CPQ: variants seen among roughly 807,000 people sequenced by gnomAD.
The protein encoded by CPQ is carboxypeptidase Q, also known as Ser-Met dipeptidase.
A neutral mutation model predicts 45.7 loss-of-function variants in CPQ; 37 were observed. That is an observed-to-expected ratio of 0.81 (90% CI 0.62 to 1.07). The LOEUF (loss-of-function observed/expected upper bound fraction) is 1.07, where lower values mean the gene tolerates loss of function less well. CPQ is among the 50% of genes least tolerant of loss of function. The pLI is 0.00. For missense variants in CPQ, 537 were observed against 572.9 expected (o/e 0.94, Z 0.64); for synonymous variants, 186 against 205.8 (o/e 0.90, Z 0.82).
intron 3 of CPQ, among the ~76,000 whole-genome samples, chr8:96,861,341 A>AACAGTG (rs1383841697): frequency 6.6e-6 from 1 of 152,194 alleles, no homozygotes; most frequent in Non-Finnish European, 1.5e-5. Flanking sequence ...AATTGGGAAG[A>AACAGTG]ACAGTGAAAA....
chr8:96,730,482 A>G (rs1026736781), intron 1 of CPQ, among the ~76,000 whole-genome samples: 1 of 152,078 alleles, frequency 6.6e-6, no homozygotes, highest in African/African-American at 2.4e-5. Flanking sequence ...CAGAGGTAAG[A>G]CTTGGGAAGA....
At chr8:96,878,943 C>T (rs931610078) in intron 3 of CPQ, among the ~76,000 whole-genome samples, 7 of 152,150 alleles carry the variant, frequency 4.6e-5, no homozygotes, top group African/African-American at 1.7e-4. Context: ...CAGTTTGGTC[C>T]TGAGAGCACT....
intron 5 of CPQ, among the ~76,000 whole-genome samples, chr8:97,004,082 T>C (rs1046013056): frequency 1.3e-5 from 2 of 152,118 alleles, no homozygotes; most frequent in African/African-American, 2.4e-5. Context: ...TTTGAAATGT[T>C]AGCGGGAAGA....
intron 5 of CPQ, among the ~76,000 whole-genome samples, chr8:97,024,115 C>A (rs191920515): frequency 6.6e-6 from 1 of 152,258 alleles, no homozygotes; most frequent in East Asian, 1.9e-4. Flanking sequence ...GAATCTGAGG[C>A]CATTTTGTTG....
At chr8:96,861,642 A>G (rs1478437721) in intron 3 of CPQ, among the ~76,000 whole-genome samples, 4 of 152,140 alleles carry the variant, frequency 2.6e-5, no homozygotes, top group Non-Finnish European at 4.4e-5. Context: ...AGATGTGCCT[A>G]TTGTTAAACA....
At chr8:96,774,462 A>G (rs1810582637) in intron 1 of CPQ, among the ~76,000 whole-genome samples, 1 of 152,126 alleles carries the variant, frequency 6.6e-6, no homozygotes, top group African/African-American at 2.4e-5. Context: ...ACCTCTGTTT[A>G]AGGCAGTGAG....
At chr8:96,902,872 C>T (rs768461386) in intron 4 of CPQ, among the ~76,000 whole-genome samples, 1 of 152,190 alleles carries the variant, frequency 6.6e-6, no homozygotes, top group Admixed American at 6.5e-5. Context: ...GCTAAATTCC[C>T]TCATCTTGCA....
chr8:96,863,608 C>A (rs35194005), intron 3 of CPQ, among the ~76,000 whole-genome samples: 11,050 of 151,974 alleles, frequency 0.073, 521 homozygotes, highest in Admixed American at 0.097. Context: ...TCCTAGGTTT[C>A]TCATAGTCAA....
At position 97,068,652 on chromosome 8, in the gene CPQ, A is replaced by G. The variant is rs1229776240; in HGVS notation, c.1255+2442A>G. On this transcript the variant is annotated intron_variant, in intron 7 of 7. Coordinates refer to ENST00000220763, the MANE Select transcript of CPQ (RefSeq NM_016134.4). ...CCATCTGAAAACAAACAAACAAACA[A>G]AAAAGAATTAATAAGAGTTAAAATG... Among the ~76,000 whole-genome samples, 4 of 152,172 alleles carry G rather than the reference A, an allele frequency of 2.6e-5. No homozygotes were observed. The East Asian group carries it at 7.7e-4, about 29-fold the overall frequency.
chr8:97,109,414 T>A (rs34906470), intron 7 of CPQ, among the ~76,000 whole-genome samples: 31,590 of 151,998 alleles, frequency 0.21, 3,438 homozygotes, highest in South Asian at 0.35. Context: ...TTTTCTCCAC[T>A]ATGTTGAGAC....
intron 7 of CPQ, among the ~76,000 whole-genome samples, chr8:97,126,660 TACTC>T (rs750494320): frequency 2.6e-5 from 4 of 152,030 alleles, no homozygotes; most frequent in Non-Finnish European, 4.4e-5. Flanking sequence ...GAACATGAAA[TACTC>T]AAGAATAATT....
chr8:96,715,420 T>C (rs1339460822), intron 1 of CPQ, among the ~76,000 whole-genome samples: 1 of 152,154 alleles, frequency 6.6e-6, no homozygotes, highest in African/African-American at 2.4e-5. Flanking sequence ...TAGATAGGGA[T>C]TGTGACTCTA....
intron 7 of CPQ, among the ~76,000 whole-genome samples, chr8:97,098,419 A>C (rs998136941): frequency 6.6e-6 from 1 of 152,220 alleles, no homozygotes; most frequent in Admixed American, 6.5e-5. Context: ...TGGGTTCTTC[A>C]GAGAGAGGTC....
At chr8:97,133,014 GC>G (rs1035761668) in intron 7 of CPQ, 1 of 152,074 alleles carries the variant, frequency 6.6e-6, no homozygotes, top group African/African-American at 2.4e-5. Flanking sequence ...TGACACACCC[GC>G]ACACACAGAA....
At chr8:97,027,825 C>G (rs185062663) in intron 5 of CPQ, among the ~76,000 whole-genome samples, 2 of 152,338 alleles carry the variant, frequency 1.3e-5, no homozygotes, top group Admixed American at 6.5e-5. Flanking sequence ...AGATCCCTGT[C>G]TTCCAGAAGT....
At chr8:96,787,896 T>C (rs1810792567) in intron 2 of CPQ, among the ~76,000 whole-genome samples, 1 of 37,126 alleles carries the variant, frequency 2.7e-5, no homozygotes, top group African/African-American at 5.4e-5. Context: ...GGATGGGGTC[T>C]AAATCACTGC....
chr8:96,902,137 G>T (rs549083886), intron 4 of CPQ, among the ~76,000 whole-genome samples: 1 of 152,124 alleles, frequency 6.6e-6, no homozygotes, highest in Non-Finnish European at 1.5e-5. Context: ...ATCAGTTCAG[G>T]AGGCTCCTCC....
chr8:97,126,254 TA>T (rs146175038), intron 7 of CPQ, among the ~76,000 whole-genome samples: 1 of 152,102 alleles, frequency 6.6e-6, no homozygotes, highest in Non-Finnish European at 1.5e-5. Context: ...CCCTATAATT[TA>T]AAAAAATAAT....
At chr8:96,818,726 G>A (rs906952443) in intron 2 of CPQ, among the ~76,000 whole-genome samples, 3 of 152,074 alleles carry the variant, frequency 2.0e-5, no homozygotes, top group African/African-American at 7.2e-5. Context: ...TTTTGTAAGA[G>A]AGTATCACCT....
Sources: allele counts gnomAD v4.1 joint callset (sites outside exome capture counted in the v4.1 genomes callset), GRCh38; gene constraint gnomAD v4.1.1; transcripts MANE v1.5; gene names NCBI Gene and HGNC (gene_info 2026-07-23, HGNC 2026-07-21).